The following USP3 variants were observed in gnomAD, a reference collection of about 807,000 sequenced individuals.
USP3 encodes ubiquitin carboxyl-terminal hydrolase 3.
USP3 carries 20 observed loss-of-function variants against 72.3 expected under a neutral mutation model. The ratio of observed to expected loss-of-function variants is 0.28; its 90% CI spans 0.19 to 0.40. The LOEUF is 0.40. Among genes scored for constraint, USP3 ranks in the 10% least tolerant of loss-of-function variants. The probability of loss-of-function intolerance (pLI) is 1.00; values close to 1 mark genes in which losing one functional copy is unlikely to be tolerated. For synonymous variants in USP3, 222 were observed against 225.3 expected, an observed-to-expected ratio of 0.99 and a Z score of 0.13; for missense variants, 479 against 633.9, an observed-to-expected ratio of 0.76 and a Z score of 2.62.
At chr15:63,554,283 C>T (rs1003688488) in intron 4 of USP3, among the ~76,000 whole-genome samples, 3 of 152,170 alleles carry the variant, frequency 2.0e-5, no homozygotes, top group African/African-American at 4.8e-5. Context: ...CTAGTTTCTT[C>T]CTTGCTTGTT....
intron 1 of USP3, among the ~76,000 whole-genome samples, chr15:63,530,917 G>A (rs2066064559): frequency 6.6e-6 from 1 of 152,136 alleles, no homozygotes; most frequent in South Asian, 2.1e-4. Context: ...AGTTTGGTAG[G>A]TATTCTTCCG....
intron 3 of USP3, among the ~76,000 whole-genome samples, chr15:63,541,110 T>A (rs551047096): frequency 1.1e-3 from 168 of 152,286 alleles, no homozygotes; most frequent in Non-Finnish European, 1.7e-3. Flanking sequence ...AACTTCGATA[T>A]CCTTATCAAT....
chr15:63,512,340 CTTCCTCCTCTTCCTCTTCTTCTTCT>C (rs1296310004), intron 1 of USP3, among the ~76,000 whole-genome samples: 15 of 72,280 alleles, frequency 2.1e-4, no homozygotes, highest in Non-Finnish European at 3.9e-4. Flanking sequence ...TCTTCCTCCT[CTTCCTCCTCTTCCTCTTCTTCTTCT>C]TTCTTCTTTC....
intron 3 of USP3, among the ~76,000 whole-genome samples, chr15:63,549,814 A>C (rs1334644423): frequency 6.6e-6 from 1 of 152,226 alleles, no homozygotes; most frequent in Non-Finnish European, 1.5e-5. Flanking sequence ...TTGATTGTCG[A>C]ATATTGGCAA....
intron 3 of USP3, chr15:63,542,183 T>A: frequency 1.0e-6 from 1 of 985,234 alleles, no homozygotes; most frequent in Non-Finnish European, 1.2e-6. Context: ...ATTTTAAAGC[T>A]GAGAAAGAGG....
intron 8 of USP3, among the ~76,000 whole-genome samples, chr15:63,563,458 G>A (rs1434842268): frequency 6.6e-6 from 1 of 152,226 alleles, no homozygotes; most frequent in Non-Finnish European, 1.5e-5. Context: ...TCAAGCGCCT[G>A]GGATGCACTC....
chr15:63,527,572 T>C (rs1020088960), intron 1 of USP3, among the ~76,000 whole-genome samples: 4 of 152,244 alleles, frequency 2.6e-5, no homozygotes, highest in African/African-American at 9.6e-5. Context: ...AAATATCCTC[T>C]ATTATGAGAT....
chr15:63,533,830 A>G, intron 2 of USP3: 1 of 1,240,016 alleles, frequency 8.1e-7, no homozygotes, highest in Non-Finnish European at 1.0e-6. Context: ...AATACTTTGT[A>G]CAGATAACTT....
chr15:63,579,267 A>G lies in USP3; in HGVS notation c.1096+4864A>G, dbSNP rs148593679. On this transcript the variant is annotated intron_variant, in intron 11 of 14. Transcript: ENST00000380324. ...CATTTTCTCCCAAATTACTCCCTAC[A>G]TTTATTCTGATTTATTCAAAAATTC... is the stretch of plus-strand genomic sequence containing the variant. Among the ~76,000 whole-genome samples, 289 of 152,328 alleles carry G rather than the reference A, an allele frequency of 1.9e-3. 1 individual carries two copies. The highest frequency in any genetic ancestry group is 6.7e-3 in the African/African-American group (277 of 41,590).
At chr15:63,537,561 A>C (rs1022176959) in intron 3 of USP3, among the ~76,000 whole-genome samples, 1 of 152,062 alleles carries the variant, frequency 6.6e-6, no homozygotes, top group Non-Finnish European at 1.5e-5. Flanking sequence ...TAATCTTAAA[A>C]ATTTTAACTG....
intron 3 of USP3, among the ~76,000 whole-genome samples, chr15:63,545,768 C>T (rs1257490129): frequency 6.6e-6 from 1 of 151,832 alleles, no homozygotes; most frequent in Non-Finnish European, 1.5e-5. Context: ...CCCAAGAGTT[C>T]GAGACTAGCC....
intron 1 of USP3, among the ~76,000 whole-genome samples, chr15:63,505,315 C>T (rs1217294899): frequency 6.6e-6 from 1 of 152,154 alleles, no homozygotes; most frequent in Non-Finnish European, 1.5e-5. Flanking sequence ...CTGCGGGGCG[C>T]GCGGGGCTCC....
intron 11 of USP3, among the ~76,000 whole-genome samples, chr15:63,575,158 GTT>G (rs11321018): frequency 0.033 from 4,012 of 121,490 alleles, 101 homozygotes; most frequent in African/African-American, 0.083. Context: ...TGTCATGATG[GTT>G]TTTTTTTTTT....
chr15:63,587,226 C>T (rs1229263515), intron 11 of USP3, among the ~76,000 whole-genome samples: 1 of 152,154 alleles, frequency 6.6e-6, no homozygotes, highest in Non-Finnish European at 1.5e-5. Context: ...CATGGCCACA[C>T]AGGTTGTCCA....
chr15:63,592,701 GC>G lies in USP3; in HGVS notation c.*1876del, dbSNP rs1181791746. 1 of 151,430 alleles carries G rather than the reference GC, an allele frequency of 6.6e-6. No homozygotes were observed. The highest frequency in any genetic ancestry group is 2.4e-5 in the African/African-American group (1 of 41,216). The allele number at this position is 151,430 out of a possible 1,614,324, so 9.4% of individuals were successfully genotyped here. On this transcript the variant is annotated 3_prime_UTR_variant, in exon 15 of 15. Transcript: ENST00000380324. Reference sequence around the variant, plus strand: ...TCCACCCACCTTGGCTTCCCAAGGTGCTAGCATTACAGGCATGAGCCACCAC... The same window carrying G: ...TCCACCCACCTTGGCTTCCCAAGGTGTAGCATTACAGGCATGAGCCACCAC...
intron 1 of USP3, among the ~76,000 whole-genome samples, chr15:63,513,960 A>G (rs1288766458): frequency 2.6e-5 from 4 of 152,234 alleles, no homozygotes; most frequent in Non-Finnish European, 5.9e-5. Flanking sequence ...TTAGTTGCAC[A>G]CAGTAAAATG....
intron 8 of USP3, among the ~76,000 whole-genome samples, chr15:63,566,320 T>C (rs1333949869): frequency 2.0e-5 from 3 of 151,802 alleles, no homozygotes; most frequent in Non-Finnish European, 4.4e-5. Context: ...TTTTTTTAAT[T>C]TTATTTTTTA....
At chr15:63,573,611 C>T (rs1375914508) in intron 9 of USP3, among the ~76,000 whole-genome samples, 1 of 152,174 alleles carries the variant, frequency 6.6e-6, no homozygotes, top group African/African-American at 2.4e-5. Context: ...TATCTCAGAT[C>T]AAGGATGTTC....
chr15:63,535,805 G>A (rs565796582), intron 2 of USP3, among the ~76,000 whole-genome samples: 7 of 152,300 alleles, frequency 4.6e-5, no homozygotes, highest in African/African-American at 1.7e-4. Flanking sequence ...CAAGGTAAGT[G>A]TTTTTCCTGG....
Sources: gnomAD v4.1 joint callset for allele counts (sites outside exome capture counted in the v4.1 genomes callset) on GRCh38, gnomAD v4.1.1 for gene constraint, MANE v1.5 for transcripts, NCBI Gene and HGNC (gene_info 2026-07-23, HGNC 2026-07-21) for gene names.